The following TBC1D21 variants were observed in gnomAD, a reference collection of about 807,000 sequenced individuals.
TBC1D21 encodes the protein TBC1 domain family member 21, also known as male germ cell Rab GTPase-activating protein.
A neutral mutation model predicts 46.0 loss-of-function variants in TBC1D21; 38 were observed. The ratio of observed to expected loss-of-function variants is 0.83; its 90% confidence interval spans 0.64 to 1.08. The LOEUF (loss-of-function observed/expected upper bound fraction) is 1.08. Ranked by LOEUF, TBC1D21 falls within the 50% of genes least tolerant of loss-of-function variation. TBC1D21 has a pLI of 0.00. For synonymous variants in TBC1D21, 151 were observed against 157.2 expected (o/e 0.96, Z 0.29); for missense variants, 415 against 417.9 (o/e 0.99, Z 0.06).
chr15:73,891,498 G>A (rs570968965), downstream of TBC1D21, among the ~76,000 whole-genome samples: 7 of 152,242 alleles, frequency 4.6e-5, no homozygotes, highest in African/African-American at 7.2e-5. Context: ...CAGGAGCCCC[G>A]CCCCCTTCCA....
chr15:73,907,176 A>C, the TBC1D21 span, among the ~76,000 whole-genome samples: 1 of 149,168 alleles, frequency 6.7e-6, no homozygotes, highest in South Asian at 2.2e-4. Flanking sequence ...CTGAGCCCTC[A>C]CTCCCCACCA....
At chr15:73,877,680 A>C (rs1485589520) in intron 1 of TBC1D21, among the ~76,000 whole-genome samples, 2 of 152,208 alleles carry the variant, frequency 1.3e-5, no homozygotes, top group Non-Finnish European at 2.9e-5. Flanking sequence ...AAATTTTAGC[A>C]AATAGAATAC....
the TBC1D21 span, among the ~76,000 whole-genome samples, chr15:73,900,383 C>A: frequency 2.6e-5 from 4 of 152,340 alleles, no homozygotes; most frequent in African/African-American, 9.6e-5. Context: ...CCATGCACGG[C>A]AGTCCTGCAT....
intron 10 of TBC1D21, 72 bp from the exon 11 acceptor site, chr15:73,888,997 G>A (rs1027720624): frequency 5.1e-6 from 8 of 1,578,710 alleles, no homozygotes; most frequent in South Asian, 1.1e-5. Flanking sequence ...GGAGAATGTC[G>A]CTGCTTAGAA....
the TBC1D21 span, among the ~76,000 whole-genome samples, chr15:73,895,827 G>C: frequency 6.6e-6 from 1 of 152,192 alleles, no homozygotes; most frequent in African/African-American, 2.4e-5. Flanking sequence ...CTGGCTTGCC[G>C]ATGCTCTGCT....
At chr15:73,909,124 C>G in the TBC1D21 span, among the ~76,000 whole-genome samples, 1 of 152,342 alleles carries the variant, frequency 6.6e-6, no homozygotes, top group South Asian at 2.1e-4. Context: ...GTAATCCCAG[C>G]ACTTTGGGAG....
the TBC1D21 span, among the ~76,000 whole-genome samples, chr15:73,906,393 C>A: frequency 6.6e-6 from 1 of 152,106 alleles, no homozygotes; most frequent in African/African-American, 2.4e-5. Flanking sequence ...AATCTTCCCA[C>A]CCAAATTGTC....
At chr15:73,894,145 G>A (rs991573713), downstream of TBC1D21, among the ~76,000 whole-genome samples, 5 of 152,186 alleles carry the variant, frequency 3.3e-5, no homozygotes, top group East Asian at 1.9e-4. Context: ...GCTGATGGGC[G>A]AACCCCAGGG....
In TBC1D21 at chr15:73,881,506, G is replaced by T. The variant is rs779257647; in HGVS notation, c.168G>T (p.Arg56Ser). ...RDFICVNILE[R>S]GLHPFVRTEA... Reference sequence around the variant, plus strand: ...TCATTTGTGTTAACATCCTGGAAAGGGTGGGTCCCCAAGCTACCCTTGGCC... The same window carrying T: ...TCATTTGTGTTAACATCCTGGAAAGTGTGGGTCCCCAAGCTACCCTTGGCC... The change falls in exon 2 of 11, where the codon AGG (arginine) becomes AGT (serine). Residue 56 changes from arginine (R) to serine (S), a missense_variant and splice_region_variant. Arg to Ser is a moderately radical substitution (Grantham distance 110, BLOSUM62 -1). Coordinates refer to ENST00000300504, the MANE Select transcript of TBC1D21 (RefSeq NM_153356.3). 6.2e-7 allele frequency: 1 copy of T among 1,613,998 alleles called. No homozygotes were observed. Among genetic ancestry groups the T allele is most frequent in the South Asian group, 1.1e-5 (1 of 91,078 alleles).
chr15:73,895,335 G>T, the TBC1D21 span, among the ~76,000 whole-genome samples: 2 of 152,170 alleles, frequency 1.3e-5, no homozygotes, highest in African/African-American at 4.8e-5. Flanking sequence ...CTGTCCAGGA[G>T]CAGAGCTTGT....
the TBC1D21 span, among the ~76,000 whole-genome samples, chr15:73,897,650 C>A: frequency 6.6e-6 from 1 of 152,214 alleles, no homozygotes; most frequent in Non-Finnish European, 1.5e-5. Context: ...AGGCACCCTG[C>A]CCAGGTTGCA....
At chr15:73,877,083 C>T (rs2068080944) in intron 1 of TBC1D21, among the ~76,000 whole-genome samples, 1 of 152,162 alleles carries the variant, frequency 6.6e-6, no homozygotes, top group African/African-American at 2.4e-5. Context: ...TTTACCACTT[C>T]ATAGATATTT....
rs201373488 is a variant in TBC1D21 at position 73,886,125 on chromosome 15, G to C, written c.627G>C (p.Met209Ile). 3 of 1,614,072 alleles carry C rather than the reference G, an allele frequency of 1.9e-6. No individual in the cohort carries two copies. The highest frequency in any genetic ancestry group is 2.5e-6 in the Non-Finnish European group (3 of 1,180,042). The change falls in exon 7 of 11, where the codon ATG (methionine) becomes ATC (isoleucine). Residue 209 changes from methionine to isoleucine, a missense_variant. Transcript: ENST00000300504. ...INIGVAKNLDMLSTLITFLDP... is the reference protein window; with the variant it reads ...INIGVAKNLDILSTLITFLDP... ...TTGGCGTGGCCAAGAACCTAGACAT[G>C]CTCAGCACCCTGATCACCTTCCTGG...
chr15:73,874,687 C>T (rs1384490174), intron 1 of TBC1D21, among the ~76,000 whole-genome samples: 3 of 150,178 alleles, frequency 2.0e-5, no homozygotes, highest in African/African-American at 7.4e-5. Context: ...CAACTGGGAA[C>T]TTGTAAGAAT....
downstream of TBC1D21, among the ~76,000 whole-genome samples, chr15:73,889,555 C>T (rs571828059): frequency 1.3e-5 from 2 of 152,352 alleles, no homozygotes; most frequent in South Asian, 4.1e-4. Context: ...CTGCCCCCAC[C>T]CCCACTGCTC....
chr15:73,900,484 C>A, the TBC1D21 span, among the ~76,000 whole-genome samples: 1 of 152,150 alleles, frequency 6.6e-6, no homozygotes, highest in Non-Finnish European at 1.5e-5. Flanking sequence ...TATGAGACCC[C>A]CTACCTGTCC....
chr15:73,898,155 C>T, the TBC1D21 span, among the ~76,000 whole-genome samples: 16 of 152,376 alleles, frequency 1.1e-4, no homozygotes, highest in Non-Finnish European at 2.2e-4. Flanking sequence ...TCCAACCCCT[C>T]ACCATGCGCA....
At chr15:73,879,620 C>A (rs1428946398) in intron 1 of TBC1D21, among the ~76,000 whole-genome samples, 4 of 152,208 alleles carry the variant, frequency 2.6e-5, no homozygotes, top group African/African-American at 9.7e-5. Context: ...GGCCCCACCC[C>A]AAACCCTCTG....
chr15:73,881,490 T>A lies in TBC1D21; in HGVS notation c.152T>A (p.Val51Asp). ...HLAKSRDFIC[V>D]NILERGLHPF... is the part of the protein sequence containing the mutation. ...GCCAAATCACGGGACTTCATTTGTG[T>A]TAACATCCTGGAAAGGGTGGGTCCC... Residue 51 changes from valine (V) to aspartate (D), a missense_variant, in exon 2 of 11, where the codon GTT (valine) becomes GAT (aspartate). Val to Asp is a radical substitution (Grantham distance 152). Transcript: ENST00000300504. 1 of 1,614,162 alleles carries A rather than the reference T, an allele frequency of 6.2e-7. No individual in the cohort carries two copies. Among genetic ancestry groups the A allele is most frequent in the Non-Finnish European group, 8.5e-7 (1 of 1,179,998 alleles).
Sources: gnomAD v4.1 joint callset for allele counts (sites outside exome capture counted in the v4.1 genomes callset) on GRCh38, gnomAD v4.1.1 for gene constraint, MANE v1.5 for transcripts, NCBI Gene and HGNC (gene_info 2026-07-23, HGNC 2026-07-21) for gene names.